PLA2G4A: variants seen among roughly 807,000 people sequenced by gnomAD.
PLA2G4A encodes the protein phospholipase A2 group IVA.
Under a neutral mutation model 81.9 loss-of-function variants are expected in PLA2G4A, and 40 were observed. The ratio of observed to expected loss-of-function variants is 0.49; its 90% CI spans 0.38 to 0.64. The LOEUF (loss-of-function observed/expected upper bound fraction) is 0.64. Among genes scored for constraint, PLA2G4A ranks in the 30% least tolerant of loss-of-function variants. The pLI is 0.00. For synonymous variants in PLA2G4A, 302 were observed against 296.9 expected (o/e 1.02, Z -0.18); for missense variants, 715 against 905.1 (o/e 0.79, Z 2.69).
intron 7 of PLA2G4A, among the ~76,000 whole-genome samples, chr1:186,923,480 G>C (rs1039032966): frequency 2.0e-4 from 31 of 152,330 alleles, no homozygotes; most frequent in African/African-American, 7.5e-4. Flanking sequence ...CTAGGCACTA[G>C]AGAAGAATAA....
chr1:186,939,239 C>A lies in PLA2G4A; in HGVS notation c.918+9C>A. 1 of 1,231,496 alleles carries A rather than the reference C, an allele frequency of 8.1e-7. No individual in the cohort carries two copies. The highest frequency in any genetic ancestry group is 1.5e-5 in the African/African-American group (1 of 68,068). The allele number at this position is 1,231,496 out of a possible 1,614,324, so 76.3% of individuals were successfully genotyped here. On this transcript the variant is annotated intron_variant, in intron 9 of 17. Coordinates refer to ENST00000367466, the MANE Select transcript of PLA2G4A (RefSeq NM_024420.3). ...AAACACTAATTCATAATGTAAGTTA[C>A]AGTTCAATCTACACTGCTTTTATAA...
At position 186,863,052 on chromosome 1, in the gene PLA2G4A, AT is replaced by A. The variant is rs1296874680; in HGVS notation, c.34-7382del. On this transcript the variant is annotated intron_variant, in intron 2 of 17. Transcript: ENST00000367466. ...GTTGTTTCATTTCAATGTTTTAAGG[AT>A]ATTATAGTCACTATAAACTCATGAT... 3.9e-5 allele frequency among the ~76,000 whole-genome samples: 6 copies of A among 152,308 alleles called. No individual in the cohort carries two copies. In the Middle Eastern group the frequency reaches 0.014, roughly 345 times the overall value.
At position 186,988,411 on chromosome 1, in the gene PLA2G4A, A is replaced by G. The variant is rs1326885067; in HGVS notation, c.2153A>G (p.Tyr718Cys). 1 of 1,612,062 alleles carries G rather than the reference A, an allele frequency of 6.2e-7. No individual in the cohort carries two copies. The highest frequency in any genetic ancestry group is 2.2e-5 in the East Asian group (1 of 44,800). The change falls in exon 18 of 18, where the codon TAT becomes TGT. Residue 718 changes from tyrosine to cysteine, a missense_variant. Tyr to Cys is a radical substitution (Grantham distance 194). Coordinates refer to ENST00000367466, the MANE Select transcript of PLA2G4A (RefSeq NM_024420.3). ...IKEAMVESIE[Y>C]RRQNPSRCSV... ...GAAGCCATGGTTGAAAGCATTGAAT[A>G]TAGAAGACAGAATCCATCTCGTTGC...
rs528331076 is a variant in PLA2G4A at position 186,880,296 on chromosome 1, A to G, written c.115+9780A>G. Among the ~76,000 whole-genome samples the G allele has an allele frequency of 8.5e-5, 13 of 152,142 alleles. No individual in the cohort carries two copies. The East Asian group carries it at 2.3e-3, about 27-fold the overall frequency. Reference sequence around the variant, plus strand: ...TGGAATGGGTAGGGGTTGCATTTCAATTTTGGAAAAGAAAATCATAAGAAC... The same window carrying G: ...TGGAATGGGTAGGGGTTGCATTTCAGTTTTGGAAAAGAAAATCATAAGAAC... On this transcript the variant is annotated intron_variant, in intron 3 of 17. Transcript: ENST00000367466.
intron 15 of PLA2G4A, among the ~76,000 whole-genome samples, chr1:186,971,704 C>A (rs904692669): frequency 6.6e-6 from 1 of 151,622 alleles, no homozygotes; most frequent in Non-Finnish European, 1.5e-5. Context: ...TAAAAGATTG[C>A]CAAAGTAGAA....
chr1:186,864,545 G>A (rs184012966), intron 2 of PLA2G4A, among the ~76,000 whole-genome samples: 1 of 151,542 alleles, frequency 6.6e-6, no homozygotes, highest in Non-Finnish European at 1.5e-5. Flanking sequence ...ATTTCCCTGA[G>A]GATAAGTGAT....
chr1:186,871,334 A>G (rs1279649152), intron 3 of PLA2G4A, among the ~76,000 whole-genome samples: 1 of 152,226 alleles, frequency 6.6e-6, no homozygotes, highest in Non-Finnish European at 1.5e-5. Flanking sequence ...CAATGGATAC[A>G]ACAAAGTATT....
intron 6 of PLA2G4A, among the ~76,000 whole-genome samples, chr1:186,909,421 G>C (rs1260202367): frequency 1.3e-5 from 2 of 151,380 alleles, no homozygotes; most frequent in Non-Finnish European, 2.9e-5. Flanking sequence ...AGCACTTTGG[G>C]AGGCTGAAGT....
chr1:186,835,634 T>A (rs1052349455), intron 1 of PLA2G4A, among the ~76,000 whole-genome samples: 1 of 152,218 alleles, frequency 6.6e-6, no homozygotes, highest in African/African-American at 2.4e-5. Context: ...GGTGGATGAA[T>A]TTTAAATTTG....
chr1:186,841,103 A>G (rs1424611018), intron 1 of PLA2G4A, among the ~76,000 whole-genome samples: 3 of 152,226 alleles, frequency 2.0e-5, no homozygotes. Context: ...AATGCACATC[A>G]TATATTTAAC....
intron 7 of PLA2G4A, among the ~76,000 whole-genome samples, chr1:186,917,295 G>T (rs917000978): frequency 2.0e-5 from 3 of 152,124 alleles, no homozygotes; most frequent in Non-Finnish European, 4.4e-5. Flanking sequence ...TGTAGCTGTC[G>T]CTGTAATTCA....
chr1:186,885,570 G>T (rs1021417815), intron 3 of PLA2G4A, among the ~76,000 whole-genome samples: 2 of 152,006 alleles, frequency 1.3e-5, no homozygotes, highest in African/African-American at 4.8e-5. Context: ...AATATTCAGC[G>T]GCTTATAGAA....
intron 1 of PLA2G4A, among the ~76,000 whole-genome samples, chr1:186,839,412 G>T (rs1350233297): frequency 2.6e-5 from 4 of 152,164 alleles, no homozygotes; most frequent in African/African-American, 9.7e-5. Context: ...CTATGGTTTA[G>T]CTGCAGTTGT....
intron 10 of PLA2G4A, among the ~76,000 whole-genome samples, chr1:186,943,774 G>T (rs1358310041): frequency 5.3e-5 from 8 of 152,106 alleles, no homozygotes; most frequent in Non-Finnish European, 1.2e-4. Flanking sequence ...TGAAGAAAAG[G>T]TGTTGTATTT....
intron 7 of PLA2G4A, 137 bp from the exon 8 acceptor site, chr1:186,932,626 G>C (rs961332558): frequency 2.3e-6 from 2 of 870,570 alleles, no homozygotes; most frequent in Non-Finnish European, 3.9e-6. Flanking sequence ...AAAAAATTAG[G>C]CATTACTAAA....
At chr1:186,893,353 G>T (rs918742038) in intron 4 of PLA2G4A, among the ~76,000 whole-genome samples, 194 bp downstream of exon 4, 16 of 152,126 alleles carry the variant, frequency 1.1e-4, no homozygotes, top group Non-Finnish European at 1.8e-4. Flanking sequence ...AGTTAGGTAG[G>T]GTTGGGAAAA....
In PLA2G4A at chr1:186,932,739, A is replaced by G. The variant is rs1655798345; in HGVS notation, c.559-24A>G. On this transcript the variant is annotated intron_variant, in intron 7 of 17. Transcript: ENST00000367466. ...TTTTATGATTTTTACTTTGTGTACA[A>G]ATCTCTCTGTTGCATCGTTTCAGGT... 3 of 1,610,906 alleles carry G rather than the reference A, an allele frequency of 1.9e-6. No homozygotes were observed. The African/African-American group carries it at 4.0e-5, about 22-fold the overall frequency.
At chr1:186,965,383 T>G (rs761508782) in intron 14 of PLA2G4A, 26 bp from the exon 15 acceptor site, 5 of 1,487,206 alleles carry the variant, frequency 3.4e-6, no homozygotes, top group Non-Finnish European at 4.7e-6. Context: ...TTTAATTCAT[T>G]CTTGTTTTTC....
chr1:186,876,111 T>C (rs897976217), intron 3 of PLA2G4A, among the ~76,000 whole-genome samples: 1 of 152,114 alleles, frequency 6.6e-6, no homozygotes, highest in Non-Finnish European at 1.5e-5. Context: ...TGGAGATGTG[T>C]TGTCTAGGAT....
Sources: allele counts gnomAD v4.1 joint callset (sites outside exome capture counted in the v4.1 genomes callset), GRCh38; gene constraint gnomAD v4.1.1; transcripts MANE v1.5; gene names NCBI Gene and HGNC (gene_info 2026-07-23, HGNC 2026-07-21).